Variants in PPP5C observed in about 807,000 individuals in gnomAD.
PPP5C encodes serine/threonine-protein phosphatase 5.
A neutral mutation model predicts 66.7 loss-of-function variants in PPP5C; 21 were observed. The ratio of observed to expected loss-of-function variants is 0.31; its 90% CI spans 0.22 to 0.45. The LOEUF is 0.45. Ranked by LOEUF, PPP5C falls within the 20% of genes least tolerant of loss-of-function variation. The pLI, the probability that PPP5C is intolerant of heterozygous loss-of-function variation, is 1.00. For missense variants in PPP5C, 464 were observed against 675.9 expected, an observed-to-expected ratio of 0.69 and a Z score of 3.48; for synonymous variants, 246 against 257.4, an observed-to-expected ratio of 0.96 and a Z score of 0.43.
intron 6 of PPP5C, 88 bp from the exon 7 acceptor site, chr19:46,384,716 C>A: frequency 1.0e-6 from 1 of 985,420 alleles, no homozygotes; most frequent in Non-Finnish European, 1.6e-6. Flanking sequence ...AGGAGCAGCC[C>A]ATCTGGCCCA....
Position 46,383,916 on chromosome 19 carries a change from AC to A in PPP5C, c.798+43del. Reference sequence around the variant, plus strand: ...GCAGAGCCACCCTCTCCCCACCTCCACCCCCAGCCGCAGCCTCAGGTCTGCA... The same window carrying A: ...GCAGAGCCACCCTCTCCCCACCTCCACCCCAGCCGCAGCCTCAGGTCTGCA... On this transcript the variant is annotated intron_variant, in intron 6 of 12. Transcript: ENST00000012443. This position sits in a 1 kb window ranked among gnomAD's most constrained non-coding sequence, Gnocchi z 5.0. 6.7e-7 allele frequency: 1 copy of A among 1,500,368 alleles called. No individual in the cohort carries two copies. 92.9% of individuals were successfully genotyped at this position (1,500,368 alleles called of 1,614,324 possible). A position where few individuals can be genotyped will look rare whatever the true frequency, so the allele number is the denominator to read the frequency against.
At position 46,353,331 on chromosome 19, in the gene PPP5C, G is replaced by A. The variant is rs1038893539; in HGVS notation, c.122-417G>A. 2.2e-4 allele frequency among the ~76,000 whole-genome samples: 34 copies of A among 152,190 alleles called. 1 individual carries two copies. Among genetic ancestry groups the A allele is most frequent in the Admixed American group, 1.9e-3 (29 of 15,288 alleles). On this transcript the variant is annotated intron_variant, in intron 1 of 12. Coordinates refer to ENST00000012443, the MANE Select transcript of PPP5C (RefSeq NM_006247.4). ...TGTCCAGACCTCACTGTGGCTGCCC[G>A]GGGCCCAGGGATCTGTCCCACCAGC...
intron 2 of PPP5C, among the ~76,000 whole-genome samples, chr19:46,371,737 TA>T (rs1972596892): frequency 6.6e-6 from 1 of 152,200 alleles, no homozygotes; most frequent in Non-Finnish European, 1.5e-5. Context: ...TAAAAACCCT[TA>T]TGTCAGGCTT....
chr19:46,373,819 G>T (rs1171852094), intron 2 of PPP5C, among the ~76,000 whole-genome samples: 4 of 152,186 alleles, frequency 2.6e-5, no homozygotes, highest in African/African-American at 9.7e-5. Context: ...GGGGGTGCCT[G>T]ACCCAGCCTC....
Position 46,390,818 on chromosome 19 carries a change from T to G in PPP5C, c.*472T>G. 8.9e-7 allele frequency: 1 copy of G among 1,123,260 alleles called. No homozygotes were observed. The highest frequency in any genetic ancestry group is 1.1e-6 in the Non-Finnish European group (1 of 906,160). The allele number at this position is 1,123,260 out of a possible 1,614,324, so 69.6% of individuals were successfully genotyped here. On this transcript the variant is annotated 3_prime_UTR_variant, in exon 13 of 13. Coordinates refer to ENST00000012443, the MANE Select transcript of PPP5C (RefSeq NM_006247.4). ...TCCCCAGCTATTTTATGTCTGTAATTAAATATGTTAAAATAAAGTCATTAT... is the reference window on the plus strand; with the variant it reads ...TCCCCAGCTATTTTATGTCTGTAATGAAATATGTTAAAATAAAGTCATTAT...
At chr19:46,361,194 A>G (rs1211368659) in intron 2 of PPP5C, among the ~76,000 whole-genome samples, 5 of 140,258 alleles carry the variant, frequency 3.6e-5, no homozygotes, top group African/African-American at 1.3e-4. Context: ...CAGTGGTGCA[A>G]TCTCCACTCG....
rs368987078 is a variant in PPP5C at position 46,359,751 on chromosome 19, C to T, written c.363+5762C>T. On this transcript the variant is annotated intron_variant, in intron 2 of 12. Coordinates refer to ENST00000012443, the MANE Select transcript of PPP5C (RefSeq NM_006247.4). ...TAGACTCCTTTTAAGTTGGCTTTCC[C>T]GGAAAATGAGGAATTTCGGATTAGA... Among the ~76,000 whole-genome samples the T allele has an allele frequency of 8.0e-5, 12 of 149,564 alleles. No homozygotes were observed. In the South Asian group the frequency reaches 2.3e-3, roughly 29 times the overall value.
chr19:46,383,690 A>G lies in PPP5C; in HGVS notation c.700-90A>G, dbSNP rs1038574403. On this transcript the variant is annotated intron_variant, in intron 5 of 12. Coordinates refer to ENST00000012443, the MANE Select transcript of PPP5C (RefSeq NM_006247.4). The surrounding 1 kb of genome is among the most constrained non-coding windows in gnomAD (Gnocchi z 5.0). ...TCTCTTGCATGATTCTTCTTGGTCTACTGTGAACTCTTACCCTTCCCCTCA... is the reference window on the plus strand; with the variant it reads ...TCTCTTGCATGATTCTTCTTGGTCTGCTGTGAACTCTTACCCTTCCCCTCA... The G allele has an allele frequency of 5.2e-6, 6 of 1,149,346 alleles. No individual in the cohort carries two copies. The African/African-American group carries it at 9.2e-5, about 18-fold the overall frequency. 71.2% of individuals were successfully genotyped at this position (1,149,346 alleles called of 1,614,324 possible).
chr19:46,348,306 AAT>A (rs1568562203), intron 1 of PPP5C, among the ~76,000 whole-genome samples: 2 of 121,194 alleles, frequency 1.7e-5, no homozygotes, highest in Non-Finnish European at 1.7e-5. Context: ...ACCAGTTTGG[AAT>A]TTTTTTTTTT....
Position 46,389,387 on chromosome 19 carries a change from A to T in PPP5C, c.1355+656A>T. 3.1e-4 allele frequency among the ~76,000 whole-genome samples: 2 copies of T among 6,516 alleles called. 1 individual carries two copies. The highest frequency in any genetic ancestry group is 7.2e-4 in the African/African-American group (2 of 2,776). The allele number at this position is 6,516 out of a possible 152,430, so 4.3% of individuals were successfully genotyped here. ...AACACACACACACACACACACACAC[A>T]CACACACACACACACACACACACAC... On this transcript the variant is annotated intron_variant, in intron 11 of 12. Transcript: ENST00000012443.
chr19:46,356,877 G>C (rs914605194), intron 2 of PPP5C, among the ~76,000 whole-genome samples: 2 of 152,182 alleles, frequency 1.3e-5, no homozygotes, highest in African/African-American at 4.8e-5. Flanking sequence ...CACCAGTGCA[G>C]GGGCTAGATG....
At chr19:46,352,230 G>A (rs1972199264) in intron 1 of PPP5C, among the ~76,000 whole-genome samples, 1 of 152,206 alleles carries the variant, frequency 6.6e-6, no homozygotes, top group Non-Finnish European at 1.5e-5. Context: ...GGTAAGCCCT[G>A]GGAGGGCAGG....
chr19:46,373,486 GTAT>G (rs1410066145), intron 2 of PPP5C, among the ~76,000 whole-genome samples: 3 of 152,228 alleles, frequency 2.0e-5, no homozygotes, highest in Non-Finnish European at 4.4e-5. Context: ...AGTGAGCTGT[GTAT>G]TATTATTGTT....
Position 46,383,514 on chromosome 19 carries a change from G to A in PPP5C, c.699+38G>A. 6.4e-7 allele frequency: 1 copy of A among 1,554,902 alleles called. No homozygotes were observed. On this transcript the variant is annotated intron_variant, in intron 5 of 12. Transcript: ENST00000012443. This position sits in a 1 kb window ranked among gnomAD's most constrained non-coding sequence, Gnocchi z 5.0. Reference sequence around the variant, plus strand: ...GGGCAGTGCGGGGAGGGCCAGCGGGGGTGGGCTCTCTGGCTGGGGAGGGGC... The same window carrying A: ...GGGCAGTGCGGGGAGGGCCAGCGGGAGTGGGCTCTCTGGCTGGGGAGGGGC...
intron 1 of PPP5C, among the ~76,000 whole-genome samples, chr19:46,348,537 C>T (rs1972126510): frequency 6.6e-6 from 1 of 152,076 alleles, no homozygotes. Flanking sequence ...TGGTGTCGAA[C>T]CTCTGACCGC....
intron 2 of PPP5C, among the ~76,000 whole-genome samples, chr19:46,361,129 A>T (rs12971820): frequency 0.55 from 76,702 of 139,638 alleles, 21,013 homozygotes; most frequent in South Asian, 0.74. Context: ...GTGAAAGAAA[A>T]TTTTTTTTTT....
rs1972693207 is a variant in PPP5C, at chr19:46,376,249, A to T, written c.512-204A>T. 6.6e-6 allele frequency among the ~76,000 whole-genome samples: 1 copy of T among 152,218 alleles called. No homozygotes were observed. The highest frequency in any genetic ancestry group is 1.9e-4 in the East Asian group (1 of 5,158). ...AGTGCCATAAAACTGAATAGAGTAA[A>T]GGGGGGTGGGTGAAGGAAGACAGGG... On this transcript the variant is annotated intron_variant, in intron 3 of 12. Transcript: ENST00000012443. The surrounding 1 kb of genome is among the most constrained non-coding windows in gnomAD (Gnocchi z 5.1).
intron 4 of PPP5C, among the ~76,000 whole-genome samples, chr19:46,378,722 G>A (rs1972738788): frequency 6.6e-6 from 1 of 152,062 alleles, no homozygotes; most frequent in South Asian, 2.1e-4. Flanking sequence ...TGAAATCCCT[G>A]TTTTCTATTA....
At chr19:46,384,048 C>T (rs1972841722) in intron 6 of PPP5C, 170 bp downstream of exon 6, 1 of 626,158 alleles carries the variant, frequency 1.6e-6, no homozygotes, top group East Asian at 2.7e-5. Flanking sequence ...TGGCCATGCA[C>T]CCCAGGCTCC....
Sources: allele counts gnomAD v4.1 joint callset (sites outside exome capture counted in the v4.1 genomes callset), GRCh38; gene constraint gnomAD v4.1.1; non-coding constraint Gnocchi (gnomAD v3.1); transcripts MANE v1.5; gene names NCBI Gene and HGNC (gene_info 2026-07-23, HGNC 2026-07-21).